The following ATP8A1 variants were observed in gnomAD, a reference collection of about 807,000 sequenced individuals.
The protein encoded by ATP8A1 is ATPase phospholipid transporting 8A1.
In ATP8A1, 90 loss-of-function variants were observed where a neutral mutation model predicts 177.7. The observed-to-expected ratio is 0.51, with a 90% confidence interval of 0.43 to 0.60. ATP8A1 has a LOEUF of 0.60. ATP8A1 is among the 20% of genes least tolerant of loss of function. ATP8A1 has a pLI of 0.00. For synonymous variants in ATP8A1, 493 were observed against 485.9 expected (o/e 1.01, Z -0.19); for missense variants, 1,072 against 1,392.8 (o/e 0.77, Z 3.67).
intron 20 of ATP8A1, among the ~76,000 whole-genome samples, chr4:42,537,165 C>T (rs1242045211): frequency 4.0e-5 from 6 of 150,924 alleles, no homozygotes; most frequent in South Asian, 2.1e-4. Context: ...CCAAAAAAAC[C>T]CCCACGTGAT....
At chr4:42,591,258 C>T (rs1409579657) in intron 6 of ATP8A1, among the ~76,000 whole-genome samples, 1 of 151,444 alleles carries the variant, frequency 6.6e-6, no homozygotes, top group Non-Finnish European at 1.5e-5. Flanking sequence ...TGTATGTCCA[C>T]TTGTACCAAA....
chr4:42,421,511 T>C (rs1713922364), intron 35 of ATP8A1, among the ~76,000 whole-genome samples: 1 of 152,146 alleles, frequency 6.6e-6, no homozygotes, highest in Non-Finnish European at 1.5e-5. Context: ...ATAGGGTTGT[T>C]ACTGGGATTC....
At chr4:42,453,722 T>G (rs1718179275) in intron 29 of ATP8A1, among the ~76,000 whole-genome samples, 1 of 152,202 alleles carries the variant, frequency 6.6e-6, no homozygotes. Context: ...GGTTAGAGGC[T>G]AAATTCAGAG....
intron 1 of ATP8A1, among the ~76,000 whole-genome samples, chr4:42,628,550 A>G (rs916216568): frequency 1.3e-5 from 2 of 152,022 alleles, no homozygotes; most frequent in African/African-American, 4.8e-5. Context: ...TATCCTTATC[A>G]CCCTGGAGGT....
At chr4:42,654,790 T>C (rs1448300031) in intron 1 of ATP8A1, among the ~76,000 whole-genome samples, 4 of 152,212 alleles carry the variant, frequency 2.6e-5, no homozygotes, top group Non-Finnish European at 5.9e-5. Flanking sequence ...GAGCCAACCA[T>C]AGTCCAATCA....
intron 20 of ATP8A1, 92 bp downstream of exon 20, chr4:42,543,825 A>C (rs1728630523): frequency 1.1e-6 from 1 of 888,336 alleles, no homozygotes; most frequent in Non-Finnish European, 1.7e-6. Flanking sequence ...ACTTCATGTT[A>C]AACATCTGTG....
intron 8 of ATP8A1, among the ~76,000 whole-genome samples, chr4:42,587,638 G>A (rs1320271123): frequency 2.0e-4 from 26 of 130,446 alleles, no homozygotes; most frequent in Non-Finnish European, 4.0e-4. Context: ...ACAGAGTCTC[G>A]CTCTGTCGCC....
chr4:42,567,711 A>C (rs932888299), intron 15 of ATP8A1, among the ~76,000 whole-genome samples: 2 of 152,228 alleles, frequency 1.3e-5, no homozygotes, highest in Non-Finnish European at 2.9e-5. Flanking sequence ...CAAGTTTTCC[A>C]AAAGGGTGTT....
At chr4:42,462,671 CT>C (rs1719302101) in intron 27 of ATP8A1, among the ~76,000 whole-genome samples, 1 of 152,220 alleles carries the variant, frequency 6.6e-6, no homozygotes, top group Non-Finnish European at 1.5e-5. Context: ...AGAGTTCCCC[CT>C]GGGGCACCAC....
At chr4:42,473,806 T>C (rs928300826) in intron 25 of ATP8A1, among the ~76,000 whole-genome samples, 2 of 141,364 alleles carry the variant, frequency 1.4e-5, no homozygotes, top group Non-Finnish European at 3.1e-5. Context: ...CCACCATGCA[T>C]GGCTAATTTT....
chr4:42,453,099 T>A (rs1255744140), intron 29 of ATP8A1, among the ~76,000 whole-genome samples: 1 of 152,202 alleles, frequency 6.6e-6, no homozygotes, highest in East Asian at 1.9e-4. Context: ...AAAGCACAGG[T>A]GGGTGCAAGA....
At position 42,502,804 on chromosome 4, in the gene ATP8A1, C is replaced by G. The variant is rs1417312893; in HGVS notation, c.2151+646G>C. Among the ~76,000 whole-genome samples the G allele has an allele frequency of 3.9e-5, 6 of 152,202 alleles. No individual in the cohort carries two copies. The East Asian group carries it at 1.2e-3, about 29-fold the overall frequency. ...CTATTTTAAGAAGTTGTATAATCAC[C>G]TCTACGGCTCTGTCTTCCACCTAAA... On this transcript the variant is annotated intron_variant, in intron 24 of 36. Coordinates refer to ENST00000381668, the MANE Select transcript of ATP8A1 (RefSeq NM_006095.2).
At position 42,588,436 on chromosome 4, in the gene ATP8A1, T is replaced by C. The variant is rs112431330; in HGVS notation, c.525-107A>G. The C allele has an allele frequency of 2.0e-5, 17 of 831,612 alleles. No homozygotes were observed. The African/African-American group carries it at 3.0e-4, about 14-fold the overall frequency. 51.5% of individuals were successfully genotyped at this position (831,612 alleles called of 1,614,324 possible). Reference sequence around the variant, plus strand: ...CTAAAGCCTTTCGTTCTAGACAAAGTAATAGTTACTTAGCTTCTTGATGAT... The same window carrying C: ...CTAAAGCCTTTCGTTCTAGACAAAGCAATAGTTACTTAGCTTCTTGATGAT... On this transcript the variant is annotated intron_variant, in intron 7 of 36. Coordinates refer to ENST00000381668, the MANE Select transcript of ATP8A1 (RefSeq NM_006095.2).
chr4:42,516,512 C>T (rs1725549839), intron 22 of ATP8A1, among the ~76,000 whole-genome samples: 1 of 152,182 alleles, frequency 6.6e-6, no homozygotes, highest in Non-Finnish European at 1.5e-5. Flanking sequence ...ATAGCTTACG[C>T]TGTTTTCTGT....
intron 1 of ATP8A1, among the ~76,000 whole-genome samples, chr4:42,636,685 A>T (rs1219404283): frequency 1.3e-5 from 2 of 152,154 alleles, no homozygotes; most frequent in African/African-American, 2.4e-5. Flanking sequence ...GCAGTGGACA[A>T]TCTGCTCTTT....
intron 1 of ATP8A1, among the ~76,000 whole-genome samples, chr4:42,639,153 G>T (rs1739681932): frequency 6.6e-6 from 1 of 152,120 alleles, no homozygotes; most frequent in African/African-American, 2.4e-5. Context: ...TGGTCAGGGA[G>T]GGTTGAAGGA....
intron 5 of ATP8A1, among the ~76,000 whole-genome samples, chr4:42,605,817 TG>T (rs1475254986): frequency 6.6e-5 from 10 of 152,218 alleles, no homozygotes; most frequent in Admixed American, 3.9e-4. Context: ...CTTAGAAAAA[TG>T]TGGCATACTG....
chr4:42,599,868 T>G (rs1336722451), intron 6 of ATP8A1, among the ~76,000 whole-genome samples: 1 of 152,180 alleles, frequency 6.6e-6, no homozygotes, highest in Non-Finnish European at 1.5e-5. Context: ...CTTCCAGAAC[T>G]AAGGGAGAAC....
intron 15 of ATP8A1, among the ~76,000 whole-genome samples, chr4:42,563,694 C>T (rs749818168): frequency 7.9e-5 from 12 of 152,174 alleles, no homozygotes; most frequent in East Asian, 3.9e-4. Flanking sequence ...CCCTGTGTCA[C>T]GGCCACTCCA....
Sources: allele counts gnomAD v4.1 joint callset (sites outside exome capture counted in the v4.1 genomes callset), GRCh38; gene constraint gnomAD v4.1.1; transcripts MANE v1.5; gene names NCBI Gene and HGNC (gene_info 2026-07-23, HGNC 2026-07-21).